The following FAM234B variants were observed in gnomAD, a reference collection of about 807,000 sequenced individuals.
The protein encoded by FAM234B is protein FAM234B.
FAM234B carries 33 observed loss-of-function variants against 69.3 expected under a neutral mutation model. The observed-to-expected ratio is 0.48, with a 90% CI of 0.36 to 0.64. The LOEUF is 0.64. Ranked by LOEUF, FAM234B falls within the 30% of genes least tolerant of loss-of-function variation. The probability of loss-of-function intolerance (pLI) is 0.00; values close to 1 mark genes in which losing one functional copy is unlikely to be tolerated. For synonymous variants in FAM234B, 306 were observed against 306.9 expected (o/e 1.00, Z 0.03); for missense variants, 697 against 769.7 (o/e 0.91, Z 1.12).
intron 11 of FAM234B, among the ~76,000 whole-genome samples, chr12:13,076,801 G>A (rs1379683340): frequency 6.6e-6 from 1 of 152,206 alleles, no homozygotes; most frequent in East Asian, 1.9e-4. Context: ...CAAAGCATTG[G>A]GATTGCAGCC....
Position 13,078,222 on chromosome 12 carries a change from C to G in FAM234B, c.1643-1567C>G, listed in dbSNP as rs1006572710. 6.8e-3 allele frequency among the ~76,000 whole-genome samples: 1,038 copies of G among 151,806 alleles called. 11 individuals carry two copies. The highest frequency in any genetic ancestry group is 0.024 in the African/African-American group (981 of 41,422). ...AATTTTCTCCCATTTTGTAGGTTGC[C>G]TGTTCACTCTGATGGTAGTTTCTTT... On this transcript the variant is annotated intron_variant, in intron 11 of 12. Transcript: ENST00000197268.
rs1865254174 is a variant in FAM234B, at chr12:13,082,865, C to A, written c.*2235C>A. ...CAAATCCCAGAAAGATAAGAGGAAG[C>A]TAGAGAAACTTAATGTACCTGAATT... On this transcript the variant is annotated 3_prime_UTR_variant, in exon 13 of 13. Transcript: ENST00000197268. 1.3e-5 allele frequency: 2 copies of A among 152,162 alleles called. No individual in the cohort carries two copies. Among genetic ancestry groups the A allele is most frequent in the Non-Finnish European group, 2.9e-5 (2 of 68,028 alleles). 9.4% of individuals were successfully genotyped at this position (152,162 alleles called of 1,614,324 possible).
chr12:13,068,128 G>A (rs1221991874), intron 7 of FAM234B, among the ~76,000 whole-genome samples, 176 bp from the exon 8 acceptor site: 1 of 152,144 alleles, frequency 6.6e-6, no homozygotes, highest in African/African-American at 2.4e-5. Flanking sequence ...GGTTTCTAAG[G>A]TCAAGAAAAT....
chr12:13,049,146 GTCTACC>G (rs1239465805), intron 1 of FAM234B, among the ~76,000 whole-genome samples: 2 of 152,202 alleles, frequency 1.3e-5, no homozygotes, highest in Non-Finnish European at 2.9e-5. Flanking sequence ...ACAGTAATGT[GTCTACC>G]TCACATAGTT....
rs751197328 is a variant in FAM234B at position 13,068,395 on chromosome 12, C to T, written c.1234C>T (p.Arg412Trp). The T allele has an allele frequency of 1.7e-5, 28 of 1,614,036 alleles. No homozygotes were observed. Among genetic ancestry groups the T allele is most frequent in the Admixed American group, 5.0e-5 (3 of 59,998 alleles). ...AACCAGACAAAGCCTTGTGCTGCTT[C>T]GGGGGCAAAATCTGACACCTTACTG... ...ITTRQSLVLL[R>W]GQNLTPYWAL... Residue 412 changes from arginine (R) to tryptophan (W), a missense_variant, in exon 8 of 13, where the codon CGG (arginine) becomes TGG (tryptophan). Arg to Trp is a moderately radical substitution (Grantham distance 101). Around this residue, in one of 3 missense-constraint regions of FAM234B, gnomAD observed 313 missense variants for 305.5 expected, o/e 1.02. Transcript: ENST00000197268.
At chr12:13,048,774 C>T (rs985151795) in intron 1 of FAM234B, among the ~76,000 whole-genome samples, 1 of 152,132 alleles carries the variant, frequency 6.6e-6, no homozygotes, top group Admixed American at 6.5e-5. Flanking sequence ...TGAGACGAGG[C>T]AATTTATAAA....
At chr12:13,057,264 C>T (rs1864940142) in intron 2 of FAM234B, among the ~76,000 whole-genome samples, 1 of 152,174 alleles carries the variant, frequency 6.6e-6, no homozygotes, top group African/African-American at 2.4e-5. Flanking sequence ...AGTTGTGAGC[C>T]ACTGCACCCA....
rs199623101 is a variant in FAM234B at position 13,070,680 on chromosome 12, A to AT, written c.1369-553dup. On this transcript the variant is annotated intron_variant, in intron 9 of 12. Coordinates refer to ENST00000197268, the MANE Select transcript of FAM234B (RefSeq NM_020853.2). ...TAAGCAATGAATTCCCTCTTGGATT[A>AT]TTTTTTTTGCCTGTTTAAACAGCAC... Among the ~76,000 whole-genome samples the AT allele has an allele frequency of 7.1e-3, 1,081 of 151,852 alleles. 13 individuals carry two copies. Among genetic ancestry groups the AT allele is most frequent in the African/African-American group, 0.022 (929 of 41,410 alleles).
Position 13,067,177 on chromosome 12 carries a change from G to A in FAM234B, c.1023G>A (p.Leu341=). The A allele has an allele frequency of 6.2e-7, 1 of 1,613,994 alleles. No individual in the cohort carries two copies. Among genetic ancestry groups the A allele is most frequent in the Non-Finnish European group, 8.5e-7 (1 of 1,179,914 alleles). ...TAGGAAATATACAAGCTGTCGCACT[G>A]CGGGACATTTTTGTTCAGGCCCAAA... is the stretch of plus-strand genomic sequence containing the variant. ...FGFGNIQAVA[L]RDIFVQAQNR... Residue 341 remains leucine, a synonymous_variant, in exon 7 of 13, where the codon CTG becomes CTA. Coordinates refer to ENST00000197268, the MANE Select transcript of FAM234B (RefSeq NM_020853.2). This position sits in a 1 kb window ranked among gnomAD's most constrained non-coding sequence, Gnocchi z 4.7.
intron 9 of FAM234B, among the ~76,000 whole-genome samples, chr12:13,070,178 T>TATATATATAG (rs1865089099): frequency 2.9e-3 from 2 of 688 alleles, no homozygotes; most frequent in Non-Finnish European, 0.016. Flanking sequence ...AAAAGATATA[T>TATATATATAG]ATATATATAT....
At position 13,067,361 on chromosome 12, in the gene FAM234B, C is replaced by CT; in HGVS notation, c.1142+66dup. The CT allele has an allele frequency of 2.5e-6, 4 of 1,577,934 alleles. No homozygotes were observed. Among genetic ancestry groups the CT allele is most frequent in the Non-Finnish European group, 3.5e-6 (4 of 1,150,424 alleles). On this transcript the variant is annotated intron_variant, in intron 7 of 12. Transcript: ENST00000197268. The surrounding 1 kb of genome is among the most constrained non-coding windows in gnomAD (Gnocchi z 4.7). Reference sequence around the variant, plus strand: ...TGTGAACTCACATGCCTTTGAGTCTCTAAGTTTGGTTGGGCTGGTGAATAT... The same window carrying CT: ...TGTGAACTCACATGCCTTTGAGTCTCTTAAGTTTGGTTGGGCTGGTGAATAT...
chr12:13,050,858 C>G (rs142855953), intron 1 of FAM234B, among the ~76,000 whole-genome samples: 9 of 152,240 alleles, frequency 5.9e-5, no homozygotes, highest in African/African-American at 2.2e-4. Context: ...TCGTCATCAT[C>G]TTATTGTTGT....
At chr12:13,060,177 G>C (rs997401574) in intron 3 of FAM234B, among the ~76,000 whole-genome samples, 1 of 152,210 alleles carries the variant, frequency 6.6e-6, no homozygotes, top group Non-Finnish European at 1.5e-5. Context: ...TAGAGCTGGG[G>C]ATTCGGATCC....
rs759178326 is a variant in FAM234B, at chr12:13,055,652, G to A, written c.139G>A (p.Val47Ile). The stretch of plus-strand genomic sequence containing the variant: ...GCTTAACCTGCAGAAGAATGGAGGG[G>A]TCAAAAATGGGAAGAGTCCTTTGGG... ...LVLNLQKNGGVKNGKSPLGEA... is the reference protein window; with the variant it reads ...LVLNLQKNGGIKNGKSPLGEA... The change falls in exon 2 of 13, where the codon GTC (valine) becomes ATC (isoleucine). Residue 47 changes from valine (V) to isoleucine (I), a missense_variant. Physicochemically the swap from Val to Ile is conservative, Grantham distance 29 (BLOSUM62 3). Coordinates refer to ENST00000197268, the MANE Select transcript of FAM234B (RefSeq NM_020853.2). 1 of 1,614,094 alleles carries A rather than the reference G, an allele frequency of 6.2e-7. No homozygotes were observed. Among genetic ancestry groups the A allele is most frequent in the Non-Finnish European group, 8.5e-7 (1 of 1,180,050 alleles).
intron 10 of FAM234B, among the ~76,000 whole-genome samples, chr12:13,073,134 G>C (rs571270546): frequency 6.6e-6 from 1 of 151,184 alleles, no homozygotes; most frequent in East Asian, 1.9e-4. Flanking sequence ...TTAAGCAGAT[G>C]TTATCATTCT....
intron 2 of FAM234B, 57 bp from the exon 3 acceptor site, chr12:13,058,394 A>G (rs1864953175): frequency 7.1e-7 from 1 of 1,404,216 alleles, no homozygotes; most frequent in South Asian, 1.2e-5. Context: ...CTGGCAACAG[A>G]GAACTGGTTT....
intron 1 of FAM234B, among the ~76,000 whole-genome samples, chr12:13,053,992 C>T (rs572082077): frequency 1.3e-5 from 2 of 152,224 alleles, no homozygotes; most frequent in African/African-American, 2.4e-5. Context: ...AAATATGGCT[C>T]TATTCTACCC....
Position 13,061,803 on chromosome 12 carries a change from G to A in FAM234B, c.721+40G>A, listed in dbSNP as rs1345670654. 9 of 1,579,928 alleles carry A rather than the reference G, an allele frequency of 5.7e-6. No homozygotes were observed. The South Asian group carries it at 9.0e-5, about 16-fold the overall frequency. On this transcript the variant is annotated intron_variant, in intron 4 of 12. Transcript: ENST00000197268. ...CCACAAAAGAACTTTGCTCCTACGA[G>A]CCATACTTTTGGATTAGAATAATCT...
rs891899252 is a variant in FAM234B at position 13,062,970 on chromosome 12, T to G, written c.847T>G (p.Leu283Val). The G allele has an allele frequency of 1.9e-6, 3 of 1,613,916 alleles. No individual in the cohort carries two copies. Among genetic ancestry groups the G allele is most frequent in the Non-Finnish European group, 2.5e-6 (3 of 1,179,846 alleles). The part of the protein sequence containing the change: ...RDLVVLAIGE[L>V]QPDLCFLLVS... ...CCTTGTGGTTCTGGCCATTGGGGAA[T>G]TGCAGGTATGATCTCTATTAAATGT... The change falls in exon 5 of 13, where the codon TTG (leucine) becomes GTG (valine). Residue 283 changes from leucine (L) to valine (V), a missense_variant. Leu to Val is a conservative substitution (Grantham distance 32). Coordinates refer to ENST00000197268, the MANE Select transcript of FAM234B (RefSeq NM_020853.2).
Sources: allele counts gnomAD v4.1 joint callset (sites outside exome capture counted in the v4.1 genomes callset), GRCh38; gene constraint gnomAD v4.1.1; regional missense constraint gnomAD v4.1.1; non-coding constraint Gnocchi (gnomAD v3.1); transcripts MANE v1.5; gene names NCBI Gene and HGNC (gene_info 2026-07-23, HGNC 2026-07-21).